The following PKHD1 variants were observed in gnomAD, a reference collection of about 807,000 sequenced individuals.
The protein encoded by PKHD1 is fibrocystin.
Under a neutral mutation model 412.0 loss-of-function variants are expected in PKHD1, and 291 were observed. That is an observed-to-expected ratio of 0.71 (90% CI 0.64 to 0.78). The LOEUF (loss-of-function observed/expected upper bound fraction) is 0.78, where lower values mean the gene tolerates loss of function less well. PKHD1 is among the 30% of genes least tolerant of loss of function. The pLI is 0.00. For missense variants in PKHD1, 4,825 were observed against 4,950.7 expected, an observed-to-expected ratio of 0.97 and a Z score of 0.76; for synonymous variants, 1,777 against 1,821.5, an observed-to-expected ratio of 0.98 and a Z score of 0.62.
At chr6:52,069,675 A>G in intron 10 of PKHD1, 148 bp from the exon 11 acceptor site, 4 of 737,756 alleles carry the variant, frequency 5.4e-6, no homozygotes, top group Non-Finnish European at 2.5e-6. Flanking sequence ...TAACTAAAGA[A>G]CAATACCAAC....
At chr6:51,978,705 C>G (rs1794767768) in intron 35 of PKHD1, among the ~76,000 whole-genome samples, 1 of 152,204 alleles carries the variant, frequency 6.6e-6, no homozygotes, top group South Asian at 2.1e-4. Context: ...CAGCCCCCTT[C>G]TCTGCTCATC....
intron 60 of PKHD1, among the ~76,000 whole-genome samples, chr6:51,713,110 T>C (rs1233735195): frequency 6.6e-6 from 1 of 152,228 alleles, no homozygotes; most frequent in Non-Finnish European, 1.5e-5. Context: ...TAATAATGTA[T>C]AATTATTCAT....
At chr6:52,049,481 C>T (rs537029385) in intron 22 of PKHD1, among the ~76,000 whole-genome samples, 1 of 152,238 alleles carries the variant, frequency 6.6e-6, no homozygotes, top group East Asian at 1.9e-4. Flanking sequence ...TATATCCCTA[C>T]ACCCACATAT....
At chr6:51,703,413 T>C (rs995951060) in intron 60 of PKHD1, among the ~76,000 whole-genome samples, 2 of 151,972 alleles carry the variant, frequency 1.3e-5, no homozygotes, top group African/African-American at 4.8e-5. Flanking sequence ...TGCATTTTCT[T>C]TTCTCCTGGC....
At position 51,615,587 on chromosome 6, in the gene PKHD1, A is replaced by T. The variant is rs1218055507; in HGVS notation, c.*3494T>A. 2 of 152,228 alleles carry T rather than the reference A, an allele frequency of 1.3e-5. No individual in the cohort carries two copies. Among genetic ancestry groups the T allele is most frequent in the Non-Finnish European group, 2.9e-5 (2 of 68,034 alleles). 9.4% of individuals were successfully genotyped at this position (152,228 alleles called of 1,614,324 possible). ...ATGACAGAATTAATTAAAATTCTTTACTGTTATTGACACGTACAATTTTAT... is the reference window on the plus strand; with the variant it reads ...ATGACAGAATTAATTAAAATTCTTTTCTGTTATTGACACGTACAATTTTAT... On this transcript the variant is annotated 3_prime_UTR_variant, in exon 67 of 67. Coordinates refer to ENST00000371117, the MANE Select transcript of PKHD1 (RefSeq NM_138694.4).
At chr6:51,690,301 A>G (rs1429671562) in intron 60 of PKHD1, among the ~76,000 whole-genome samples, 1 of 138,186 alleles carries the variant, frequency 7.2e-6, no homozygotes, top group Non-Finnish European at 1.6e-5. Context: ...AAAAAAAAAG[A>G]ACTAGGGAAA....
intron 34 of PKHD1, among the ~76,000 whole-genome samples, chr6:52,015,553 A>C (rs1800415533): frequency 6.6e-6 from 1 of 152,296 alleles, no homozygotes; most frequent in East Asian, 1.9e-4. Context: ...GGCCGAGTGC[A>C]GTGGCTCACG....
intron 1 of PKHD1, among the ~76,000 whole-genome samples, chr6:52,086,107 GTGTGTGTGTA>G (rs1430493952): frequency 1.4e-5 from 2 of 146,192 alleles, no homozygotes; most frequent in Non-Finnish European, 3.0e-5. Context: ...CACACACAAA[GTGTGTGTGTA>G]TGTGTGTGTG....
intron 60 of PKHD1, among the ~76,000 whole-genome samples, chr6:51,689,587 T>C (rs930378491): frequency 6.6e-6 from 1 of 152,198 alleles, no homozygotes; most frequent in African/African-American, 2.4e-5. Flanking sequence ...ATCCTATGTC[T>C]TGAAAACCCC....
chr6:51,950,220 A>AAAAAAAAAAAAAATATAT lies in PKHD1; in HGVS notation c.5908+9649_5908+9650insATATATTTTTTTTTTTTT. The stretch of plus-strand genomic sequence containing the variant: ...AATGGGCAATATAGAGAAAAAAAAA[A>AAAAAAAAAAAAAATATAT]ATATATATATATATATATATGAAAT... On this transcript the variant is annotated intron_variant, in intron 36 of 66. Transcript: ENST00000371117. 1.2e-3 allele frequency among the ~76,000 whole-genome samples: 118 copies of AAAAAAAAAAAAAATATAT among 98,242 alleles called. 1 individual carries two copies. The highest frequency in any genetic ancestry group is 4.3e-3 in the African/African-American group (113 of 26,434). The allele number at this position is 98,242 out of a possible 152,430, so 64.5% of individuals were successfully genotyped here. A position where few individuals can be genotyped will look rare whatever the true frequency, so the allele number is the denominator to read the frequency against.
At chr6:52,057,106 C>T in intron 16 of PKHD1, 127 bp from the exon 17 acceptor site, 3 of 721,290 alleles carry the variant, frequency 4.2e-6, no homozygotes, top group African/African-American at 1.7e-5. Flanking sequence ...CTTTTCAATG[C>T]TTTAACATTC....
At chr6:51,726,771 C>A (rs1782622150) in intron 60 of PKHD1, among the ~76,000 whole-genome samples, 1 of 152,164 alleles carries the variant, frequency 6.6e-6, no homozygotes, top group Admixed American at 6.6e-5. Context: ...CAATGTCTTA[C>A]TTTTTTTATT....
chr6:52,000,488 GTATT>G (rs1263966552), intron 35 of PKHD1, among the ~76,000 whole-genome samples: 2 of 152,090 alleles, frequency 1.3e-5, no homozygotes, highest in Non-Finnish European at 2.9e-5. Flanking sequence ...ATTACACACA[GTATT>G]TATTTAGAAA....
chr6:52,055,826 T>C, intron 18 of PKHD1, 97 bp from the exon 19 acceptor site: 15 of 1,326,176 alleles, frequency 1.1e-5, no homozygotes, highest in Non-Finnish European at 1.6e-5. Flanking sequence ...AGTATCTCAC[T>C]TAAGAAAACC....
intron 60 of PKHD1, among the ~76,000 whole-genome samples, chr6:51,723,360 T>C (rs909610484): frequency 6.6e-6 from 1 of 152,184 alleles, no homozygotes; most frequent in Non-Finnish European, 1.5e-5. Flanking sequence ...AAAACCTTGT[T>C]AGTGCTCAAC....
chr6:51,632,772 A>C (rs748418359), intron 64 of PKHD1, 49 bp from the exon 65 acceptor site: 2 of 1,442,394 alleles, frequency 1.4e-6, no homozygotes, highest in Non-Finnish European at 1.9e-6. Flanking sequence ...ATAAGATGCT[A>C]ATATAATTAA....
chr6:51,810,093 T>G (rs1361913310), intron 52 of PKHD1, among the ~76,000 whole-genome samples: 3 of 152,090 alleles, frequency 2.0e-5, no homozygotes, highest in Non-Finnish European at 2.9e-5. Context: ...ACACCTTATA[T>G]CCAGTTAAGA....
rs544158452 is a variant in PKHD1 at position 51,697,468 on chromosome 6, G to A, written c.10157-37499C>T. ...ACACATTCTCCTCACTTCAGAATGG[G>A]GGCTGTCAACCTTGGCACTTTTGAG... is the stretch of plus-strand genomic sequence containing the variant. On this transcript the variant is annotated intron_variant, in intron 60 of 66. Transcript: ENST00000371117. Among the ~76,000 whole-genome samples, 311 of 152,230 alleles carry A rather than the reference G, an allele frequency of 2.0e-3. 1 individual carries two copies. Among genetic ancestry groups the A allele is most frequent in the African/African-American group, 6.7e-3 (278 of 41,546 alleles).
intron 35 of PKHD1, among the ~76,000 whole-genome samples, chr6:51,965,382 C>T (rs1477124275): frequency 6.6e-6 from 1 of 152,054 alleles, no homozygotes; most frequent in Non-Finnish European, 1.5e-5. Flanking sequence ...ATGACACAGG[C>T]TGAGATTATT....
Sources: allele counts gnomAD v4.1 joint callset (sites outside exome capture counted in the v4.1 genomes callset), GRCh38; gene constraint gnomAD v4.1.1; transcripts MANE v1.5; gene names NCBI Gene and HGNC (gene_info 2026-07-23, HGNC 2026-07-21).